The following NKD1 variants were observed in gnomAD, a reference collection of about 807,000 sequenced individuals.
The protein encoded by NKD1 is protein naked cuticle homolog 1.
NKD1 carries 21 observed loss-of-function variants against 56.0 expected under a neutral mutation model. The observed-to-expected ratio is 0.38, with a 90% CI of 0.27 to 0.54. NKD1 has a LOEUF of 0.54. Among genes scored for constraint, NKD1 ranks in the 20% least tolerant of loss-of-function variants. The pLI, the probability that NKD1 is intolerant of heterozygous loss-of-function variation, is 0.82. For synonymous variants in NKD1, 263 were observed against 265.7 expected, an observed-to-expected ratio of 0.99 and a Z score of 0.10; for missense variants, 578 against 642.7, an observed-to-expected ratio of 0.90 and a Z score of 1.09.
chr16:50,600,250 A>G (rs1961564893), intron 3 of NKD1, among the ~76,000 whole-genome samples: 1 of 152,090 alleles, frequency 6.6e-6, no homozygotes, highest in Non-Finnish European at 1.5e-5. Context: ...AAAACAAACA[A>G]ACAAACAAAC....
chr16:50,570,318 G>C (rs971126041), intron 3 of NKD1, among the ~76,000 whole-genome samples: 2 of 152,128 alleles, frequency 1.3e-5, no homozygotes, highest in Non-Finnish European at 2.9e-5. Context: ...TTGGTTCTTG[G>C]GGGGCAAAGG....
chr16:50,573,184 G>A (rs968042999), intron 3 of NKD1, among the ~76,000 whole-genome samples: 3 of 152,126 alleles, frequency 2.0e-5, no homozygotes, highest in Admixed American at 1.3e-4. Flanking sequence ...TCTTTTCCCC[G>A]CCATGGGAAG....
At chr16:50,627,410 G>A (rs938367739) in intron 6 of NKD1, among the ~76,000 whole-genome samples, 2 of 152,174 alleles carry the variant, frequency 1.3e-5, no homozygotes, top group Non-Finnish European at 2.9e-5. Flanking sequence ...AGGGAGAGAG[G>A]GTTTCCAAGG....
In NKD1 at chr16:50,633,045, T is replaced by G; in HGVS notation, c.824-147T>G. 1.5e-6 allele frequency: 1 copy of G among 648,948 alleles called. No individual in the cohort carries two copies. Among genetic ancestry groups the G allele is most frequent in the South Asian group, 3.0e-5 (1 of 33,860 alleles). The allele number at this position is 648,948 out of a possible 1,614,324, so 40.2% of individuals were successfully genotyped here. A position where few individuals can be genotyped will look rare whatever the true frequency, so the allele number is the denominator to read the frequency against. ...GATGGGAAAGTTCCATTTCAGAGAG[T>G]TTTCCTGCAAGGCAGTGAGGGGCAG... On this transcript the variant is annotated intron_variant, in intron 9 of 9. Transcript: ENST00000268459. The surrounding 1 kb of genome is among the most constrained non-coding windows in gnomAD (Gnocchi z 4.9).
chr16:50,589,935 A>G (rs1397689060), intron 3 of NKD1, among the ~76,000 whole-genome samples: 1 of 151,418 alleles, frequency 6.6e-6, no homozygotes, highest in Non-Finnish European at 1.5e-5. Context: ...GCAGCCTCCC[A>G]TTCCTGAGCT....
At chr16:50,582,202 T>C (rs1023554015) in intron 3 of NKD1, among the ~76,000 whole-genome samples, 29 of 152,176 alleles carry the variant, frequency 1.9e-4, no homozygotes, top group Non-Finnish European at 3.2e-4. Flanking sequence ...AGATCATGAA[T>C]CTGGAGCTGT....
rs1962451281 is a variant in NKD1 at position 50,635,695 on chromosome 16, C to G, written c.*1914C>G. The G allele has an allele frequency of 6.6e-6, 1 of 152,248 alleles. No individual in the cohort carries two copies. Among genetic ancestry groups the G allele is most frequent in the Non-Finnish European group, 1.5e-5 (1 of 68,050 alleles). 9.4% of individuals were successfully genotyped at this position (152,248 alleles called of 1,614,324 possible). A position where few individuals can be genotyped will look rare whatever the true frequency, so the allele number is the denominator to read the frequency against. ...GGCAGCTCAGGAAGCATGTCTAAGGCTCAGAAGTTCATAACTCCCTTGAGG... is the reference window on the plus strand; with the variant it reads ...GGCAGCTCAGGAAGCATGTCTAAGGGTCAGAAGTTCATAACTCCCTTGAGG... On this transcript the variant is annotated 3_prime_UTR_variant, in exon 10 of 10. Transcript: ENST00000268459. The surrounding 1 kb of genome is among the most constrained non-coding windows in gnomAD (Gnocchi z 4.1).
chr16:50,571,389 C>A, intron 3 of NKD1: 1 of 671,512 alleles, frequency 1.5e-6, no homozygotes, highest in Non-Finnish European at 1.8e-6. Context: ...GGTTTGTGCA[C>A]ATGGAGGCTT....
chr16:50,625,628 C>A, intron 6 of NKD1, 48 bp downstream of exon 6: 1 of 1,234,938 alleles, frequency 8.1e-7, no homozygotes, highest in Non-Finnish European at 1.2e-6. Flanking sequence ...CCCGCAGGCA[C>A]AGGGCCTGGG....
intron 3 of NKD1, among the ~76,000 whole-genome samples, chr16:50,593,846 C>T (rs1961420112): frequency 1.3e-5 from 2 of 152,158 alleles, no homozygotes; most frequent in Admixed American, 6.5e-5. Context: ...TCAAACTTAA[C>T]TGAATGTCCT....
chr16:50,552,054 G>A (rs1276507763), intron 3 of NKD1: 1 of 152,200 alleles, frequency 6.6e-6, no homozygotes, highest in Non-Finnish European at 1.5e-5. Flanking sequence ...TGGTTTCCAA[G>A]GGCTGGCAGA....
chr16:50,587,481 A>G (rs1251122070), intron 3 of NKD1, among the ~76,000 whole-genome samples: 1 of 152,200 alleles, frequency 6.6e-6, no homozygotes, highest in African/African-American at 2.4e-5. Flanking sequence ...GGGGAAAAGC[A>G]TTATCTAGGC....
chr16:50,571,248 G>A (rs1312770342), intron 3 of NKD1, among the ~76,000 whole-genome samples: 2 of 152,202 alleles, frequency 1.3e-5, no homozygotes, highest in East Asian at 3.9e-4. Context: ...TCTGTCTTTG[G>A]AGATCACTGT....
intron 3 of NKD1, among the ~76,000 whole-genome samples, chr16:50,570,131 G>A (rs570299237): frequency 2.0e-5 from 3 of 152,108 alleles, no homozygotes; most frequent in East Asian, 3.9e-4. Flanking sequence ...TTGAAATGTC[G>A]GTATTTTGGA....
chr16:50,626,282 CA>C (rs1303881374), intron 6 of NKD1, among the ~76,000 whole-genome samples: 1 of 152,218 alleles, frequency 6.6e-6, no homozygotes, highest in Non-Finnish European at 1.5e-5. Context: ...CAGCAGGGAA[CA>C]AAACAGACAC....
At chr16:50,558,033 G>T (rs949921072) in intron 3 of NKD1, 3 of 152,258 alleles carry the variant, frequency 2.0e-5, no homozygotes, top group Non-Finnish European at 2.9e-5. Flanking sequence ...CCTCAAGGGG[G>T]CAGTGCCACT....
intron 6 of NKD1, among the ~76,000 whole-genome samples, chr16:50,626,157 G>C (rs940783576): frequency 1.3e-5 from 2 of 152,158 alleles, no homozygotes; most frequent in African/African-American, 4.8e-5. Context: ...TCTGCAGGCC[G>C]GTCTCTCTCG....
intron 3 of NKD1, among the ~76,000 whole-genome samples, chr16:50,572,607 G>A (rs927484116): frequency 6.6e-6 from 1 of 152,096 alleles, no homozygotes; most frequent in Non-Finnish European, 1.5e-5. Context: ...CAGGGGAGGC[G>A]GCAGATTGGT....
intron 3 of NKD1, among the ~76,000 whole-genome samples, chr16:50,573,302 G>C (rs1314559522): frequency 6.6e-6 from 1 of 152,230 alleles, no homozygotes; most frequent in Non-Finnish European, 1.5e-5. Context: ...CCAGGTGGCT[G>C]AATGACTCCA....
Sources: allele counts gnomAD v4.1 joint callset (sites outside exome capture counted in the v4.1 genomes callset), GRCh38; gene constraint gnomAD v4.1.1; non-coding constraint Gnocchi (gnomAD v3.1); transcripts MANE v1.5; gene names NCBI Gene and HGNC (gene_info 2026-07-23, HGNC 2026-07-21).